DENND1A: variants seen among roughly 807,000 people sequenced by gnomAD.
DENND1A encodes the protein DENN domain-containing protein 1A.
A neutral mutation model predicts 113.7 loss-of-function variants in DENND1A; 51 were observed. That is an observed-to-expected ratio of 0.45 (90% CI 0.36 to 0.57). The LOEUF (loss-of-function observed/expected upper bound fraction) is 0.57. Among genes scored for constraint, DENND1A ranks in the 20% least tolerant of loss-of-function variants. The pLI is 0.00. For missense variants in DENND1A, 1,258 were observed against 1,395.9 expected (o/e 0.90, Z 1.57); for synonymous variants, 565 against 570.8 (o/e 0.99, Z 0.14).
chr9:123,824,182 G>A (rs956454554), intron 2 of DENND1A, among the ~76,000 whole-genome samples: 1 of 152,112 alleles, frequency 6.6e-6, no homozygotes, highest in Non-Finnish European at 1.5e-5. Context: ...GAAGAAACAG[G>A]CTCAGAGAGG....
intron 11 of DENND1A, among the ~76,000 whole-genome samples, chr9:123,591,104 G>T (rs566269885): frequency 1.3e-5 from 2 of 152,298 alleles, no homozygotes; most frequent in East Asian, 3.9e-4. Context: ...AAAGGAGGGG[G>T]TCTGTTTGAT....
chr9:123,910,165 T>C (rs1437016833), intron 1 of DENND1A, among the ~76,000 whole-genome samples: 1 of 152,204 alleles, frequency 6.6e-6, no homozygotes, highest in Non-Finnish European at 1.5e-5. Context: ...ATAAAATGTA[T>C]ATGGTCATGC....
chr9:123,464,461 G>A (rs754687639), intron 13 of DENND1A, among the ~76,000 whole-genome samples: 4 of 152,188 alleles, frequency 2.6e-5, no homozygotes, highest in Non-Finnish European at 4.4e-5. Flanking sequence ...AAGACATTAC[G>A]TGAAGTGAAA....
chr9:123,812,728 A>C (rs933224238), intron 2 of DENND1A, among the ~76,000 whole-genome samples: 4 of 152,076 alleles, frequency 2.6e-5, no homozygotes, highest in Admixed American at 6.5e-5. Flanking sequence ...ATGACTCTTA[A>C]CTACTTGGAT....
At chr9:123,723,326 T>C (rs867286582) in intron 5 of DENND1A, among the ~76,000 whole-genome samples, 2 of 152,362 alleles carry the variant, frequency 1.3e-5, no homozygotes, top group Middle Eastern at 3.4e-3. Context: ...ACTTGCCTTG[T>C]CTCACATGAG....
chr9:123,735,453 A>G (rs560530146), intron 5 of DENND1A, among the ~76,000 whole-genome samples: 11 of 152,046 alleles, frequency 7.2e-5, no homozygotes, highest in Non-Finnish European at 1.5e-4. Context: ...CACAGCTCAC[A>G]CTCTCTGCAC....
chr9:123,881,414 G>T (rs1043982078), intron 1 of DENND1A, among the ~76,000 whole-genome samples: 1 of 152,158 alleles, frequency 6.6e-6, no homozygotes, highest in African/African-American at 2.4e-5. Context: ...AATCTGAAGA[G>T]CATCAGGAAG....
At chr9:123,767,412 G>GA (rs71838991) in intron 4 of DENND1A, among the ~76,000 whole-genome samples, 30 of 143,120 alleles carry the variant, frequency 2.1e-4, no homozygotes, top group South Asian at 4.4e-4. Context: ...TTGTAAAAAA[G>GA]AAAAAAAAAA....
intron 3 of DENND1A, among the ~76,000 whole-genome samples, chr9:123,779,871 A>AGTTTTTTTTTTTT (rs1554752627): frequency 9.6e-6 from 1 of 104,036 alleles, no homozygotes; most frequent in Non-Finnish European, 1.8e-5. Flanking sequence ...CTTGCATGAG[A>AGTTTTTTTTTTTT]CTTTTTTTTG....
chr9:123,684,147 A>G (rs1305583124), intron 5 of DENND1A, among the ~76,000 whole-genome samples: 2 of 152,178 alleles, frequency 1.3e-5, no homozygotes, highest in Non-Finnish European at 2.9e-5. Context: ...TTCAATTGCT[A>G]TGTAAAAAGT....
chr9:123,457,867 A>G lies in DENND1A; in HGVS notation c.1024T>C (p.Phe342Leu). Residue 342 changes from phenylalanine to leucine, a missense_variant, in exon 14 of 24, where the codon TTC becomes CTC. By Grantham distance (22) the Phe-to-Leu change is conservative. Coordinates refer to ENST00000394215, the MANE Select transcript of DENND1A (RefSeq NM_001352964.2). ...EEPITFCEEA[F>L]VSHYRSGAMR... Reference sequence around the variant, plus strand: ...GCTCCGGAGCGGTAGTGGGACACGAAGGCTTCCTCACAGAAAGTGATCGGC... The same window carrying G: ...GCTCCGGAGCGGTAGTGGGACACGAGGGCTTCCTCACAGAAAGTGATCGGC... 6.2e-7 allele frequency: 1 copy of G among 1,612,524 alleles called. No individual in the cohort carries two copies. Among genetic ancestry groups the G allele is most frequent in the Non-Finnish European group, 8.5e-7 (1 of 1,179,320 alleles).
At chr9:123,399,136 G>A (rs1003985704) in intron 21 of DENND1A, among the ~76,000 whole-genome samples, 1 of 152,110 alleles carries the variant, frequency 6.6e-6, no homozygotes, top group Non-Finnish European at 1.5e-5. Flanking sequence ...GAACCTCACT[G>A]TGCTCACTGC....
intron 2 of DENND1A, among the ~76,000 whole-genome samples, chr9:123,801,384 T>A (rs538487185): frequency 6.6e-6 from 1 of 152,342 alleles, no homozygotes; most frequent in South Asian, 2.1e-4. Context: ...TTGAATAGTC[T>A]AGTTACATGA....
intron 2 of DENND1A, among the ~76,000 whole-genome samples, chr9:123,857,990 C>G (rs1196112198): frequency 6.8e-6 from 1 of 147,464 alleles, no homozygotes; most frequent in Non-Finnish European, 1.5e-5. Context: ...ACCCGGGAGG[C>G]GGAGCTTGCA....
At chr9:123,862,935 G>GT (rs1845260503) in intron 2 of DENND1A, among the ~76,000 whole-genome samples, 1 of 152,144 alleles carries the variant, frequency 6.6e-6, no homozygotes, top group Non-Finnish European at 1.5e-5. Flanking sequence ...CATTTAAACT[G>GT]TACCTCAACT....
chr9:123,413,896 C>G, intron 19 of DENND1A: 6 of 985,574 alleles, frequency 6.1e-6, no homozygotes, highest in Non-Finnish European at 7.2e-6. Context: ...GAGCCCACCC[C>G]CTCCACCGGT....
chr9:123,553,807 G>A (rs1177808320), intron 13 of DENND1A, among the ~76,000 whole-genome samples: 1 of 152,100 alleles, frequency 6.6e-6, no homozygotes, highest in South Asian at 2.1e-4. Context: ...CACCAGGCTG[G>A]AGTACAGTGG....
intron 19 of DENND1A, among the ~76,000 whole-genome samples, chr9:123,436,284 C>T (rs1432532101): frequency 6.6e-6 from 1 of 152,254 alleles, no homozygotes; most frequent in Non-Finnish European, 1.5e-5. Flanking sequence ...GCCAGGGCAA[C>T]GCCCTCCCGC....
chr9:123,850,863 AG>A (rs1220931863), intron 2 of DENND1A, among the ~76,000 whole-genome samples: 1 of 152,234 alleles, frequency 6.6e-6, no homozygotes, highest in Non-Finnish European at 1.5e-5. Flanking sequence ...ATAGTATTTA[AG>A]TCCCAAATGA....
Sources: gnomAD v4.1 joint callset for allele counts (sites outside exome capture counted in the v4.1 genomes callset) on GRCh38, gnomAD v4.1.1 for gene constraint, MANE v1.5 for transcripts, NCBI Gene and HGNC (gene_info 2026-07-23, HGNC 2026-07-21) for gene names.